The following DACT2 variants were observed in gnomAD, a reference collection of about 807,000 sequenced individuals.
The protein encoded by DACT2 is dapper homolog 2.
A neutral mutation model predicts 22.2 loss-of-function variants in DACT2; 20 were observed. The observed-to-expected ratio is 0.90, with a 90% CI of 0.63 to 1.31. DACT2 has a LOEUF of 1.31. Ranked by LOEUF, DACT2 falls within the 50% of genes most tolerant of loss-of-function variation. DACT2 has a pLI of 0.00. For missense variants in DACT2, 1,048 were observed against 1,061.4 expected (o/e 0.99, Z 0.18); for synonymous variants, 463 against 479.8 (o/e 0.96, Z 0.46).
chr6:168,319,379 G>T lies in DACT2; in HGVS notation c.246+9C>A, dbSNP rs1779589586. 1 of 1,198,854 alleles carries T rather than the reference G, an allele frequency of 8.3e-7. No homozygotes were observed. Among genetic ancestry groups the T allele is most frequent in the Non-Finnish European group, 1.0e-6 (1 of 966,894 alleles). The allele number at this position is 1,198,854 out of a possible 1,614,324, so 74.3% of individuals were successfully genotyped here. On this transcript the variant is annotated intron_variant, in intron 1 of 3. Transcript: ENST00000366795. Reference sequence around the variant, plus strand: ...CTCGCAGCCCCGAGTCCCGGCGCCCGGTCCTTACCAGCTGCTCCTGCAGCG... The same window carrying T: ...CTCGCAGCCCCGAGTCCCGGCGCCCTGTCCTTACCAGCTGCTCCTGCAGCG...
chr6:168,300,696 AG>A (rs1802538761), intron 3 of DACT2: 1 of 152,230 alleles, frequency 6.6e-6, no homozygotes, highest in South Asian at 2.1e-4. Flanking sequence ...GATTTCAGTA[AG>A]AACTCTCAGC....
Position 168,307,296 on chromosome 6 carries a change from G to A in DACT2, c.*136C>T, listed in dbSNP as rs909284784. The A allele has an allele frequency of 7.5e-6, 11 of 1,469,450 alleles. No homozygotes were observed. The highest frequency in any genetic ancestry group is 5.8e-5 in the South Asian group (4 of 69,524). The allele number at this position is 1,469,450 out of a possible 1,614,324, so 91.0% of individuals were successfully genotyped here. ...ACTCCACAGGGCAGAACCCATCTGC[G>A]GGGACTCCTGTTAAACGGTGGCCTC... On this transcript the variant is annotated 3_prime_UTR_variant, in exon 4 of 4. Coordinates refer to ENST00000366795, the MANE Select transcript of DACT2 (RefSeq NM_214462.5). This position sits in a 1 kb window ranked among gnomAD's most constrained non-coding sequence, Gnocchi z 5.3.
downstream of DACT2, among the ~76,000 whole-genome samples, chr6:168,305,271 A>T (rs9346538): frequency 0.011 from 1,641 of 152,110 alleles, 30 homozygotes; most frequent in East Asian, 0.082. Flanking sequence ...CGGAGCAGGA[A>T]GGAATTCGCT....
chr6:168,316,466 A>G (rs71573454), intron 1 of DACT2, among the ~76,000 whole-genome samples: 13 of 83,924 alleles, frequency 1.5e-4, no homozygotes, highest in East Asian at 7.0e-4. Flanking sequence ...ACAGCATCTC[A>G]GCAGCACCTC....
chr6:168,311,521 AAC>A (rs750627035), intron 1 of DACT2, among the ~76,000 whole-genome samples: 40 of 56,032 alleles, frequency 7.1e-4, no homozygotes, highest in East Asian at 7.0e-3. Context: ...CACACACACA[AAC>A]ACACACACAC....
chr6:168,303,651 C>G (rs1562492484), downstream of DACT2, among the ~76,000 whole-genome samples: 1 of 152,160 alleles, frequency 6.6e-6, no homozygotes, highest in Non-Finnish European at 1.5e-5. Flanking sequence ...TTCAATTACC[C>G]AGTTCTGTTA....
At chr6:168,305,464 A>G (rs1489086402), downstream of DACT2, among the ~76,000 whole-genome samples, 1 of 152,162 alleles carries the variant, frequency 6.6e-6, no homozygotes, top group Non-Finnish European at 1.5e-5. Context: ...AGCTGCCTAG[A>G]GTTGTGATAC....
At chr6:168,297,880 G>A (rs774671692) in intron 3 of DACT2, among the ~76,000 whole-genome samples, 15 of 152,268 alleles carry the variant, frequency 9.9e-5, no homozygotes, top group African/African-American at 1.4e-4. Flanking sequence ...AGACACGGGC[G>A]TGTGGAGGTG....
At chr6:168,301,018 A>T (rs1232782688) in intron 3 of DACT2, among the ~76,000 whole-genome samples, 1 of 142,356 alleles carries the variant, frequency 7.0e-6, no homozygotes, top group African/African-American at 2.8e-5. Context: ...AAAAAACAAA[A>T]AACAAAAACA....
chr6:168,309,423 AGACACAGGGTGCGGGGCCGTTTGCGTG>A (rs1583298273), intron 3 of DACT2, among the ~76,000 whole-genome samples: 1 of 151,596 alleles, frequency 6.6e-6, no homozygotes, highest in Admixed American at 6.6e-5. Flanking sequence ...GTTTGCGTGT[AGACACAGGGTGCGGGGCCGTTTGCGTG>A]TAGACACAGG....
chr6:168,319,476 G>A lies in DACT2; in HGVS notation c.158C>T (p.Pro53Leu), dbSNP rs1779594109. 1 of 1,204,540 alleles carries A rather than the reference G, an allele frequency of 8.3e-7. No individual in the cohort carries two copies. The highest frequency in any genetic ancestry group is 1.0e-6 in the Non-Finnish European group (1 of 971,692). The allele number at this position is 1,204,540 out of a possible 1,614,324, so 74.6% of individuals were successfully genotyped here. A position where few individuals can be genotyped will look rare whatever the true frequency, so the allele number is the denominator to read the frequency against. The part of the protein sequence containing the change: ...VRGALALQPP[P>L]APAAPCGPHG... ...GGGGCCGCAGGGCGCGGCGGGCGCG[G>A]GCGGGGGCTGCAGGGCCAGGGCGCC... The change falls in exon 1 of 4, where the codon CCC (proline) becomes CTC (leucine). Residue 53 changes from proline to leucine, a missense_variant. By Grantham distance (98) the Pro-to-Leu change is moderately conservative. Coordinates refer to ENST00000366795, the MANE Select transcript of DACT2 (RefSeq NM_214462.5).
At chr6:168,311,111 G>A (rs776953101) in intron 2 of DACT2, 41 bp downstream of exon 2, 21 of 1,491,228 alleles carry the variant, frequency 1.4e-5, no homozygotes, top group African/African-American at 5.5e-5. Context: ...CCTGTGCTGC[G>A]TGCCTGCCCC....
At position 168,312,621 on chromosome 6, in the gene DACT2, T is replaced by C. The variant is rs1366512396; in HGVS notation, c.247-1337A>G. Among the ~76,000 whole-genome samples the C allele has an allele frequency of 3.9e-5, 6 of 152,380 alleles. No homozygotes were observed. In the Middle Eastern group the frequency reaches 0.01, roughly 259 times the overall value. On this transcript the variant is annotated intron_variant, in intron 1 of 3. Transcript: ENST00000366795. The stretch of plus-strand genomic sequence containing the variant: ...GTGTGTGTACATGTGTGCGTGTGTG[T>C]GCGTCTTTCAATTCTAAAACATTTC...
chr6:168,308,050 C>G lies in DACT2; in HGVS notation c.1707G>C (p.Met569Ile). The G allele has an allele frequency of 6.5e-7, 1 of 1,548,474 alleles. No individual in the cohort carries two copies. ...RSCSESTLYP[M>I]PVLVPLAVAP... is the part of the protein sequence containing the mutation. Reference sequence around the variant, plus strand: ...CCACTGCCAAGGGGACGAGGACAGGCATGGGGTAGAGGGTGGACTCAGAAC... The same window carrying G: ...CCACTGCCAAGGGGACGAGGACAGGGATGGGGTAGAGGGTGGACTCAGAAC... Residue 569 changes from methionine (M) to isoleucine (I), a missense_variant, in exon 4 of 4, where the codon ATG (methionine) becomes ATC (isoleucine). Coordinates refer to ENST00000366795, the MANE Select transcript of DACT2 (RefSeq NM_214462.5).
At chr6:168,302,637 G>A (rs1354746116), downstream of DACT2, among the ~76,000 whole-genome samples, 5 of 152,236 alleles carry the variant, frequency 3.3e-5, no homozygotes, top group Non-Finnish European at 2.9e-5. Context: ...GTTTGCAGCA[G>A]GAGGGAGGGA....
At chr6:168,306,056 G>T (rs1016686798), downstream of DACT2, among the ~76,000 whole-genome samples, 3 of 152,128 alleles carry the variant, frequency 2.0e-5, no homozygotes, top group East Asian at 3.9e-4. Context: ...CCTCACCTAC[G>T]CTTTGTTCCA....
intron 5 of DACT2, chr6:168,294,070 A>G (rs1385234341): frequency 1.4e-6 from 1 of 702,764 alleles, no homozygotes; most frequent in Non-Finnish European, 2.6e-6. Context: ...ATGAGCACAG[A>G]CCCGCGATGG....
chr6:168,299,276 C>T (rs1039862628), intron 3 of DACT2: 3 of 152,184 alleles, frequency 2.0e-5, no homozygotes, highest in African/African-American at 7.2e-5. Flanking sequence ...TGTACCAATA[C>T]ATGAAGAAGT....
chr6:168,297,405 G>A (rs1247755050), intron 3 of DACT2, among the ~76,000 whole-genome samples: 2 of 152,144 alleles, frequency 1.3e-5, no homozygotes, highest in African/African-American at 4.8e-5. Flanking sequence ...AAGCATAAGG[G>A]AGAAAATAGG....
Sources: allele counts gnomAD v4.1 joint callset (sites outside exome capture counted in the v4.1 genomes callset), GRCh38; gene constraint gnomAD v4.1.1; non-coding constraint Gnocchi (gnomAD v3.1); transcripts MANE v1.5; gene names NCBI Gene and HGNC (gene_info 2026-07-23, HGNC 2026-07-21).